CTNNA3: variants seen among roughly 807,000 people sequenced by gnomAD.
CTNNA3 encodes the protein catenin alpha-3.
Under a neutral mutation model 95.7 loss-of-function variants are expected in CTNNA3, and 76 were observed. That is an observed-to-expected ratio of 0.79 (90% CI 0.66 to 0.96). The LOEUF (loss-of-function observed/expected upper bound fraction) is 0.96, where lower values mean the gene tolerates loss of function less well. Ranked by LOEUF, CTNNA3 falls within the 40% of genes least tolerant of loss-of-function variation. The pLI, the probability that CTNNA3 is intolerant of heterozygous loss-of-function variation, is 0.00. For synonymous variants in CTNNA3, 431 were observed against 374.4 expected, an observed-to-expected ratio of 1.15 and a Z score of -1.74; for missense variants, 1,191 against 1,089.8, an observed-to-expected ratio of 1.09 and a Z score of -1.31.
intron 7 of CTNNA3, among the ~76,000 whole-genome samples, chr10:67,137,399 A>G (rs1860351833): frequency 1.3e-5 from 2 of 152,168 alleles, no homozygotes; most frequent in Non-Finnish European, 2.9e-5. Flanking sequence ...AATTTTAGTA[A>G]TCTTAACTAT....
At position 67,377,640 on chromosome 10, in the gene CTNNA3, AT is replaced by A. The variant is rs202227164; in HGVS notation, c.579+144201del. Among the ~76,000 whole-genome samples, 56 of 136,908 alleles carry A rather than the reference AT, an allele frequency of 4.1e-4. No homozygotes were observed. In the East Asian group the frequency reaches 9.6e-3, roughly 24 times the overall value. 89.8% of individuals were successfully genotyped at this position (136,908 alleles called of 152,430 possible). A position where few individuals can be genotyped will look rare whatever the true frequency, so the allele number is the denominator to read the frequency against. ...ATAAAAAGAGCTTATTTTAAAAAAA[AT>A]TTTCATTGACATATAATAATTATAT... On this transcript the variant is annotated intron_variant, in intron 5 of 17. Coordinates refer to ENST00000433211, the MANE Select transcript of CTNNA3 (RefSeq NM_013266.4).
chr10:66,068,562 C>T (rs1193206849), intron 15 of CTNNA3, among the ~76,000 whole-genome samples: 14 of 152,222 alleles, frequency 9.2e-5, no homozygotes, highest in East Asian at 3.9e-4. Flanking sequence ...AATGTACCAA[C>T]GGTACACAGC....
At chr10:67,342,064 A>ATATTTTT (rs1244011505) in intron 5 of CTNNA3, among the ~76,000 whole-genome samples, 1 of 116,428 alleles carries the variant, frequency 8.6e-6, no homozygotes, top group Non-Finnish European at 1.9e-5. Context: ...TTCCCAGTAT[A>ATATTTTT]TATTTTTTAT....
At chr10:67,062,633 A>G (rs1346652102) in intron 7 of CTNNA3, among the ~76,000 whole-genome samples, 3 of 152,100 alleles carry the variant, frequency 2.0e-5, no homozygotes, top group Non-Finnish European at 4.4e-5. Context: ...TTTACCTAAC[A>G]TTCTTCTTTG....
chr10:65,967,701 G>A (rs1251208872), intron 16 of CTNNA3, among the ~76,000 whole-genome samples: 2 of 152,138 alleles, frequency 1.3e-5, no homozygotes, highest in Admixed American at 6.5e-5. Flanking sequence ...GAACTTCCTG[G>A]AGGACAGCTT....
Position 66,740,274 on chromosome 10 carries a change from G to A in CTNNA3, c.1281+25990C>T, listed in dbSNP as rs886247428. On this transcript the variant is annotated intron_variant, in intron 9 of 17. Transcript: ENST00000433211. ...TTTAATAATGAAAGAAATTAGGCTG[G>A]GGCTATTGTAAGAACAGTTTCTGAA... is the stretch of plus-strand genomic sequence containing the variant. Among the ~76,000 whole-genome samples, 4 of 152,250 alleles carry A rather than the reference G, an allele frequency of 2.6e-5. No individual in the cohort carries two copies. The East Asian group carries it at 5.8e-4, about 22-fold the overall frequency.
At chr10:66,674,518 A>G (rs897553764) in intron 9 of CTNNA3, among the ~76,000 whole-genome samples, 6 of 151,976 alleles carry the variant, frequency 3.9e-5, no homozygotes, top group Non-Finnish European at 7.4e-5. Context: ...AATCTTCAGT[A>G]ATATTACCCT....
At chr10:67,673,137 T>C (rs1840471023) in intron 1 of CTNNA3, among the ~76,000 whole-genome samples, 1 of 151,882 alleles carries the variant, frequency 6.6e-6, no homozygotes, top group Admixed American at 6.6e-5. Context: ...GAATGGTAGT[T>C]CACTCATGAT....
intron 15 of CTNNA3, among the ~76,000 whole-genome samples, chr10:66,013,478 C>A (rs937872418): frequency 6.6e-6 from 1 of 152,174 alleles, no homozygotes; most frequent in Non-Finnish European, 1.5e-5. Context: ...CTGTTCCACG[C>A]AGGAGCCCCT....
chr10:66,496,727 G>A (rs944234627), intron 11 of CTNNA3, among the ~76,000 whole-genome samples: 2 of 152,116 alleles, frequency 1.3e-5, no homozygotes, highest in Admixed American at 6.5e-5. Flanking sequence ...TCAATTTAAC[G>A]ACCTTTATTG....
intron 7 of CTNNA3, among the ~76,000 whole-genome samples, chr10:67,119,009 A>C (rs959942799): frequency 6.6e-6 from 1 of 151,910 alleles, no homozygotes; most frequent in African/African-American, 2.4e-5. Flanking sequence ...CCCAAATTTT[A>C]GAGAAAAATA....
At chr10:66,373,094 TA>T (rs1382572378) in intron 12 of CTNNA3, among the ~76,000 whole-genome samples, 1 of 152,158 alleles carries the variant, frequency 6.6e-6, no homozygotes, top group Non-Finnish European at 1.5e-5. Context: ...TATTATTTTT[TA>T]AAAAATAAGG....
rs1373079713 is a variant in CTNNA3, at chr10:67,539,577, G to A, written c.385C>T (p.Leu129=). The A allele has an allele frequency of 1.2e-6, 2 of 1,613,880 alleles. No individual in the cohort carries two copies. Among genetic ancestry groups the A allele is most frequent in the South Asian group, 1.1e-5 (1 of 91,084 alleles). ...EAVVQAARAL[L]AAVTRLLILA... is the part of the protein sequence containing the mutation. ...ATAAGGAGTCTCGTCACCGCAGCCAGCAAGGCACGGGCAGCTTGAACCACA... is the reference window on the plus strand; with the variant it reads ...ATAAGGAGTCTCGTCACCGCAGCCAACAAGGCACGGGCAGCTTGAACCACA... The change falls in exon 4 of 18, where the codon CTG becomes TTG. Residue 129 remains leucine, a synonymous_variant. Transcript: ENST00000433211.
At chr10:67,357,181 C>T (rs1488794817) in intron 5 of CTNNA3, among the ~76,000 whole-genome samples, 1 of 152,030 alleles carries the variant, frequency 6.6e-6, no homozygotes, top group Non-Finnish European at 1.5e-5. Context: ...CACATGTATC[C>T]TAACTTTTAA....
chr10:66,864,158 C>T (rs769214193), intron 7 of CTNNA3, among the ~76,000 whole-genome samples: 2 of 152,010 alleles, frequency 1.3e-5, no homozygotes, highest in Non-Finnish European at 2.9e-5. Flanking sequence ...ATATGTTTCC[C>T]AAAGATCATG....
chr10:67,152,880 C>G (rs777478212), intron 7 of CTNNA3, among the ~76,000 whole-genome samples: 2 of 152,084 alleles, frequency 1.3e-5, no homozygotes, highest in African/African-American at 4.8e-5. Flanking sequence ...GAGAATGAAA[C>G]TAACGTTTAT....
intron 10 of CTNNA3, among the ~76,000 whole-genome samples, chr10:66,584,513 T>G (rs748599047): frequency 3.3e-5 from 5 of 152,036 alleles, no homozygotes; most frequent in Non-Finnish European, 7.4e-5. Flanking sequence ...TGCTTGCTTT[T>G]GGTTTCCATT....
At chr10:66,661,233 AAAG>A (rs1325120721) in intron 9 of CTNNA3, among the ~76,000 whole-genome samples, 1 of 152,152 alleles carries the variant, frequency 6.6e-6, no homozygotes, top group African/African-American at 2.4e-5. Flanking sequence ...CTGGGAAGAA[AAAG>A]AAGTTTAATT....
At chr10:66,341,585 A>T (rs1414782886) in intron 12 of CTNNA3, among the ~76,000 whole-genome samples, 1 of 151,988 alleles carries the variant, frequency 6.6e-6, no homozygotes, top group Non-Finnish European at 1.5e-5. Context: ...TGGACATAGT[A>T]AATTGTACTT....
Sources: gnomAD v4.1 joint callset for allele counts (sites outside exome capture counted in the v4.1 genomes callset) on GRCh38, gnomAD v4.1.1 for gene constraint, MANE v1.5 for transcripts, NCBI Gene and HGNC (gene_info 2026-07-23, HGNC 2026-07-21) for gene names.